The following ZFYVE26 variants were observed in gnomAD, a reference collection of about 807,000 sequenced individuals.
ZFYVE26 encodes zinc finger FYVE domain-containing protein 26.
ZFYVE26 carries 181 observed loss-of-function variants against 276.5 expected under a neutral mutation model. That is an observed-to-expected ratio of 0.65 (90% confidence interval 0.58 to 0.74). ZFYVE26 has a LOEUF of 0.74. Among genes scored for constraint, ZFYVE26 ranks in the 30% least tolerant of loss-of-function variants. ZFYVE26 has a pLI of 0.00. For synonymous variants in ZFYVE26, 1,129 were observed against 1,203.1 expected, an observed-to-expected ratio of 0.94 and a Z score of 1.27; for missense variants, 2,821 against 3,097.9, an observed-to-expected ratio of 0.91 and a Z score of 2.12.
chr14:67,777,984 A>C (rs2039392279), intron 24 of ZFYVE26, 142 bp downstream of exon 24: 7 of 1,362,748 alleles, frequency 5.1e-6, no homozygotes, highest in Admixed American at 1.8e-5. Context: ...CCTTCTGCTC[A>C]AGATGACTAT....
In ZFYVE26 at chr14:67,778,129, C is replaced by A. The variant is rs372337960; in HGVS notation, c.4794G>T (p.Leu1598=). The change falls in exon 24 of 42, where the codon CTG becomes CTT. Residue 1598 remains leucine (L), a synonymous_variant. Coordinates refer to ENST00000347230, the MANE Select transcript of ZFYVE26 (RefSeq NM_015346.4). The stretch of plus-strand genomic sequence containing the variant: ...ATGGAAAGAACTGGGGGCTTACTTG[C>A]AGAGCCTTGTCATGATCTCTTCTTT... ...LLERRDHDKA[L]QLLRRIPDPT... 6.2e-6 allele frequency: 10 copies of A among 1,614,206 alleles called. 1 individual carries two copies. The Middle Eastern group carries it at 4.9e-4, about 80-fold the overall frequency.
At chr14:67,778,357 T>A in intron 23 of ZFYVE26, 109 bp from the exon 24 acceptor site, 1 of 1,393,412 alleles carries the variant, frequency 7.2e-7, no homozygotes, top group Non-Finnish European at 1.0e-6. Flanking sequence ...TGATGGGAAC[T>A]TCACTATGAT....
chr14:67,741,984 T>C (rs981087560), downstream of ZFYVE26, among the ~76,000 whole-genome samples: 4 of 152,228 alleles, frequency 2.6e-5, no homozygotes, highest in African/African-American at 4.8e-5. Context: ...TTATCATCCC[T>C]GTCTAGTGAA....
chr14:67,802,503 C>A (rs1356864808), intron 9 of ZFYVE26, among the ~76,000 whole-genome samples: 1 of 152,174 alleles, frequency 6.6e-6, no homozygotes, highest in African/African-American at 2.4e-5. Context: ...CACCTCCCTT[C>A]TACATATCTC....
chr14:67,766,087 TCAA>T (rs2039049175), intron 32 of ZFYVE26, 137 bp downstream of exon 32: 1 of 868,080 alleles, frequency 1.2e-6, no homozygotes, highest in Non-Finnish European at 1.9e-6. Context: ...CACCGTTTCA[TCAA>T]CATTACACAG....
chr14:67,782,401 A>G (rs1417681817), intron 21 of ZFYVE26, among the ~76,000 whole-genome samples: 1 of 152,182 alleles, frequency 6.6e-6, no homozygotes, highest in Non-Finnish European at 1.5e-5. Context: ...ACTGTGGCTT[A>G]CAAAGTCCTT....
intron 26 of ZFYVE26, among the ~76,000 whole-genome samples, 177 bp downstream of exon 26, chr14:67,775,683 T>C (rs1051668585): frequency 6.6e-6 from 1 of 152,248 alleles, no homozygotes; most frequent in African/African-American, 2.4e-5. Flanking sequence ...CTGGTCATTA[T>C]TCTACTTCCT....
intron 11 of ZFYVE26, 106 bp downstream of exon 11, chr14:67,797,908 C>A: frequency 6.3e-7 from 1 of 1,597,470 alleles, no homozygotes; most frequent in Non-Finnish European, 8.5e-7. Context: ...TGACGATATG[C>A]CCTGAGTTAT....
At position 67,777,717 on chromosome 14, in the gene ZFYVE26, C is replaced by G; in HGVS notation, c.4816G>C (p.Asp1606His). The change falls in exon 25 of 42, where the codon GAC (aspartate) becomes CAC (histidine). Residue 1606 changes from aspartate to histidine, a missense_variant. Transcript: ENST00000347230. ...KALQLLRRIP[D>H]PTMCLEVTEQ... is the part of the protein sequence containing the mutation. ...GTCACTTCAAGGCACATGGTGGGGT[C>G]AGGGATTCTTCGCAGGAGCTATTGT... 1 of 1,614,136 alleles carries G rather than the reference C, an allele frequency of 6.2e-7. No homozygotes were observed. Among genetic ancestry groups the G allele is most frequent in the Non-Finnish European group, 8.5e-7 (1 of 1,180,016 alleles).
chr14:67,762,342 C>T lies in ZFYVE26; in HGVS notation c.6230G>A (p.Gly2077Glu). 1 of 1,614,158 alleles carries T rather than the reference C, an allele frequency of 6.2e-7. No individual in the cohort carries two copies. The highest frequency in any genetic ancestry group is 8.5e-7 in the Non-Finnish European group (1 of 1,180,022). The part of the protein sequence containing the change: ...HAWGMACLKA[G>E]NLTAAREKFS... Reference sequence around the variant, plus strand: ...CTTCTCCCGTGCAGCAGTGAGGTTCCCGGCTTTGAGGCAGGCCATGCCCCA... The same window carrying T: ...CTTCTCCCGTGCAGCAGTGAGGTTCTCGGCTTTGAGGCAGGCCATGCCCCA... Residue 2077 changes from glycine to glutamate, a missense_variant, in exon 34 of 42, where the codon GGG becomes GAG. Transcript: ENST00000347230.
At chr14:67,792,383 T>G (rs1311662988) in intron 14 of ZFYVE26, among the ~76,000 whole-genome samples, 7 of 152,126 alleles carry the variant, frequency 4.6e-5, no homozygotes, top group Non-Finnish European at 1.0e-4. Context: ...TGTTATTAAG[T>G]TTAATCAATA....
intron 3 of ZFYVE26, 35 bp downstream of exon 3, chr14:67,813,951 G>C (rs764473226): frequency 6.7e-7 from 1 of 1,487,242 alleles, no homozygotes; most frequent in African/African-American, 1.4e-5. Context: ...TCTCAGTCCT[G>C]GCCTCGGAGG....
At chr14:67,751,169 C>G in intron 40 of ZFYVE26, 73 bp from the exon 41 acceptor site, 1 of 1,549,652 alleles carries the variant, frequency 6.5e-7, no homozygotes, top group South Asian at 1.1e-5. Flanking sequence ...CCAACCCAGC[C>G]TCAGCCCAGC....
intron 23 of ZFYVE26, 111 bp from the exon 24 acceptor site, chr14:67,778,359 C>T (rs931547353): frequency 4.3e-5 from 59 of 1,385,638 alleles, no homozygotes; most frequent in Non-Finnish European, 5.5e-5. Flanking sequence ...ATGGGAACTT[C>T]ACTATGATGA....
At chr14:67,804,297 G>T in intron 8 of ZFYVE26, 33 bp from the exon 9 acceptor site, 1 of 1,611,750 alleles carries the variant, frequency 6.2e-7, no homozygotes, top group South Asian at 1.1e-5. Flanking sequence ...TGGAAGAGAG[G>T]CAGTTTATAT....
At chr14:67,738,716 T>C (rs933418082) in intron 13 of ZFYVE26, among the ~76,000 whole-genome samples, 1 of 152,136 alleles carries the variant, frequency 6.6e-6, no homozygotes, top group African/African-American at 2.4e-5. Flanking sequence ...TGGGAAATGA[T>C]TTTTCAATTT....
intron 37 of ZFYVE26, 123 bp from the exon 38 acceptor site, chr14:67,754,335 G>A (rs2038723413): frequency 7.6e-7 from 1 of 1,322,800 alleles, no homozygotes; most frequent in Non-Finnish European, 1.1e-6. Context: ...AGTGGGAAAA[G>A]AGACCTCAAG....
At chr14:67,782,167 T>C (rs1229827338) in intron 21 of ZFYVE26, among the ~76,000 whole-genome samples, 1 of 152,220 alleles carries the variant, frequency 6.6e-6, no homozygotes, top group Non-Finnish European at 1.5e-5. Flanking sequence ...CAACTCTTGT[T>C]GCAACACTGC....
chr14:67,730,870 C>T (rs1312260344), intron 13 of ZFYVE26, among the ~76,000 whole-genome samples: 1 of 152,126 alleles, frequency 6.6e-6, no homozygotes, highest in Non-Finnish European at 1.5e-5. Flanking sequence ...TCCTAAAGTG[C>T]TGGGATTACA....
Sources: allele counts gnomAD v4.1 joint callset (sites outside exome capture counted in the v4.1 genomes callset), GRCh38; gene constraint gnomAD v4.1.1; transcripts MANE v1.5; gene names NCBI Gene and HGNC (gene_info 2026-07-23, HGNC 2026-07-21).